The following COG6 variants were observed in gnomAD, a reference collection of about 807,000 sequenced individuals.
COG6 encodes component of oligomeric golgi complex 6, also known as conserved oligomeric Golgi complex subunit 6.
In COG6, 74 loss-of-function variants were observed where a neutral mutation model predicts 88.8. That is an observed-to-expected ratio of 0.83 (90% CI 0.69 to 1.01). The LOEUF (loss-of-function observed/expected upper bound fraction) is 1.01. Ranked by LOEUF, COG6 falls within the 50% of genes least tolerant of loss-of-function variation. The probability of loss-of-function intolerance (pLI) is 0.00; values close to 1 mark genes in which losing one functional copy is unlikely to be tolerated. For synonymous variants in COG6, 286 were observed against 278.7 expected, an observed-to-expected ratio of 1.03 and a Z score of -0.26; for missense variants, 800 against 797.9, an observed-to-expected ratio of 1.00 and a Z score of -0.03.
chr13:39,674,784 A>G lies in COG6; in HGVS notation c.429-2684A>G, dbSNP rs574741804. Among the ~76,000 whole-genome samples the G allele has an allele frequency of 2.0e-5, 3 of 152,226 alleles. No individual in the cohort carries two copies. In the South Asian group the frequency reaches 6.2e-4, roughly 32 times the overall value. ...CAGTCATCCCTTTTTCTAATGTGTG[A>G]TGCTATATACACCACCACTCAGTAG... On this transcript the variant is annotated intron_variant, in intron 4 of 18. Transcript: ENST00000455146.
intron 8 of COG6, among the ~76,000 whole-genome samples, chr13:39,684,805 G>C (rs1876543526): frequency 6.6e-6 from 1 of 151,902 alleles, no homozygotes; most frequent in Non-Finnish European, 1.5e-5. Flanking sequence ...AATAATGTAA[G>C]TATTATATAC....
At chr13:39,685,849 G>A (rs1383919359) in intron 8 of COG6, among the ~76,000 whole-genome samples, 2 of 127,194 alleles carry the variant, frequency 1.6e-5, no homozygotes, top group Admixed American at 9.0e-5. Context: ...AACTTAGCTG[G>A]ATATTGCACT....
chr13:39,717,266 A>T (rs76557198), intron 13 of COG6, among the ~76,000 whole-genome samples: 9,344 of 151,264 alleles, frequency 0.062, 383 homozygotes, highest in Non-Finnish European at 0.095. Flanking sequence ...GTCTTTTGAC[A>T]GTTTGATTAT....
At chr13:39,682,634 G>A (rs1463291981) in intron 8 of COG6, among the ~76,000 whole-genome samples, 1 of 151,994 alleles carries the variant, frequency 6.6e-6, no homozygotes, top group Non-Finnish European at 1.5e-5. Flanking sequence ...GAGAAATATG[G>A]TTATGCAGAG....
At chr13:39,764,942 A>G (rs1881122956) in intron 18 of COG6, among the ~76,000 whole-genome samples, 1 of 152,138 alleles carries the variant, frequency 6.6e-6, no homozygotes, top group Admixed American at 6.5e-5. Context: ...TCAGCTACTG[A>G]GAGATACTTG....
In COG6 at chr13:39,751,750, A is replaced by G; in HGVS notation, c.*657A>G. ...TACACTCAGCAATAATTAGAAAAAA[A>G]GGAGAGAGAAAAGTGATTTAAACAG... is the stretch of plus-strand genomic sequence containing the variant. On this transcript the variant is annotated 3_prime_UTR_variant, in exon 19 of 19. Transcript: ENST00000455146. 1 of 1,287,026 alleles carries G rather than the reference A, an allele frequency of 7.8e-7. No homozygotes were observed. The highest frequency in any genetic ancestry group is 1.2e-5 in the South Asian group (1 of 80,932). The allele number at this position is 1,287,026 out of a possible 1,614,324, so 79.7% of individuals were successfully genotyped here. A position where few individuals can be genotyped will look rare whatever the true frequency, so the allele number is the denominator to read the frequency against.
At chr13:39,714,566 T>C (rs1212297298) in intron 13 of COG6, among the ~76,000 whole-genome samples, 1 of 151,462 alleles carries the variant, frequency 6.6e-6, no homozygotes, top group African/African-American at 2.4e-5. Flanking sequence ...AAAACCACAG[T>C]GAGACACCAC....
Position 39,674,508 on chromosome 13 carries a change from G to A in COG6, c.429-2960G>A, listed in dbSNP as rs147127461. Among the ~76,000 whole-genome samples, 575 of 152,162 alleles carry A rather than the reference G, an allele frequency of 3.8e-3. 4 individuals are homozygous for A. The highest frequency in any genetic ancestry group is 0.013 in the African/African-American group (524 of 41,522). On this transcript the variant is annotated intron_variant, in intron 4 of 18. Transcript: ENST00000455146. ...AGGAATCATGAAAATTAAGTAGTCC[G>A]TTTATTTTAAATACTTAGGCAGTAT...
In COG6 at chr13:39,719,640, A is replaced by G. The variant is rs1259895257; in HGVS notation, c.1417-20A>G. 1 of 1,599,462 alleles carries G rather than the reference A, an allele frequency of 6.3e-7. No homozygotes were observed. Among genetic ancestry groups the G allele is most frequent in the East Asian group, 2.2e-5 (1 of 44,744 alleles). ...TCAGTGATTGAGAAATAAAGAGTTC[A>G]TTTTATTTTTCATTTGTAGGTTTTA... On this transcript the variant is annotated intron_variant, in intron 14 of 18. Coordinates refer to ENST00000455146, the MANE Select transcript of COG6 (RefSeq NM_020751.3).
chr13:39,772,548 TG>T (rs1176888303), intron 18 of COG6, among the ~76,000 whole-genome samples: 2 of 152,244 alleles, frequency 1.3e-5, no homozygotes, highest in Non-Finnish European at 2.9e-5. Context: ...TCAGTTGAAC[TG>T]GTCTTTTAAA....
chr13:39,696,514 G>A (rs1237016917), intron 12 of COG6, among the ~76,000 whole-genome samples: 1 of 151,828 alleles, frequency 6.6e-6, no homozygotes, highest in East Asian at 1.9e-4. Flanking sequence ...AGATCATGGA[G>A]AAGAGTGTCC....
intron 3 of COG6, among the ~76,000 whole-genome samples, chr13:39,663,454 A>C (rs1410283471): frequency 6.6e-6 from 1 of 152,178 alleles, no homozygotes; most frequent in Non-Finnish European, 1.5e-5. Flanking sequence ...AGGGGATACT[A>C]TATTTTAAAA....
At position 39,752,236 on chromosome 13, in the gene COG6, A is replaced by G. The variant is rs555709178; in HGVS notation, c.*1143A>G. ...AAATTGAAGCACAAGGAAAAAAATAACTAGTTTGAAATATTTTGAAAAGTA... is the reference window on the plus strand; with the variant it reads ...AAATTGAAGCACAAGGAAAAAAATAGCTAGTTTGAAATATTTTGAAAAGTA... On this transcript the variant is annotated 3_prime_UTR_variant, in exon 19 of 19. Coordinates refer to ENST00000455146, the MANE Select transcript of COG6 (RefSeq NM_020751.3). 7.7e-6 allele frequency: 8 copies of G among 1,038,240 alleles called. No individual in the cohort carries two copies. The African/African-American group carries it at 1.4e-4, about 18-fold the overall frequency. 64.3% of individuals were successfully genotyped at this position (1,038,240 alleles called of 1,614,324 possible). A position where few individuals can be genotyped will look rare whatever the true frequency, so the allele number is the denominator to read the frequency against.
chr13:39,666,882 C>T (rs962733530), intron 4 of COG6, among the ~76,000 whole-genome samples: 1 of 152,084 alleles, frequency 6.6e-6, no homozygotes, highest in Non-Finnish European at 1.5e-5. Flanking sequence ...TTTAATAGCA[C>T]AAAACAAAGA....
intron 18 of COG6, among the ~76,000 whole-genome samples, chr13:39,758,246 C>T (rs866403200): frequency 1.4e-4 from 19 of 131,834 alleles, no homozygotes; most frequent in East Asian, 4.9e-4. Flanking sequence ...AAAAAAATGA[C>T]GAGCTGGACG....
chr13:39,783,655 C>G (rs1272174483), intron 18 of COG6, among the ~76,000 whole-genome samples: 1 of 152,112 alleles, frequency 6.6e-6, no homozygotes, highest in Non-Finnish European at 1.5e-5. Context: ...CCAAACTAAC[C>G]TTAAGTGACC....
chr13:39,660,881 G>A lies in COG6; in HGVS notation c.369G>A (p.Gln123=). 2 of 1,572,796 alleles carry A rather than the reference G, an allele frequency of 1.3e-6. No individual in the cohort carries two copies. The highest frequency in any genetic ancestry group is 2.2e-5 in the South Asian group (2 of 90,350). The part of the protein sequence containing the change: ...NCCQDMTSRL[Q]AAKEQTQDLI... ...GTCAAGATATGACAAGTCGCCTACA[G>A]GTATTATATAATGGCTAGATTTTGG... Residue 123 remains glutamine (Q), a splice_region_variant and synonymous_variant, in exon 3 of 19, where the codon CAG becomes CAA. Transcript: ENST00000455146.
At chr13:39,711,475 T>G (rs1878234083) in intron 13 of COG6, among the ~76,000 whole-genome samples, 1 of 152,132 alleles carries the variant, frequency 6.6e-6, no homozygotes, top group Non-Finnish European at 1.5e-5. Flanking sequence ...ACCTTTGGAG[T>G]CAATGCTTGG....
intron 18 of COG6, among the ~76,000 whole-genome samples, chr13:39,738,921 C>T (rs539604923): frequency 6.6e-6 from 1 of 152,126 alleles, no homozygotes; most frequent in South Asian, 2.1e-4. Context: ...GTAGCTGTAT[C>T]AAGAAATACA....
Sources: gnomAD v4.1 joint callset for allele counts (sites outside exome capture counted in the v4.1 genomes callset) on GRCh38, gnomAD v4.1.1 for gene constraint, MANE v1.5 for transcripts, NCBI Gene and HGNC (gene_info 2026-07-23, HGNC 2026-07-21) for gene names.